Variants in DBH observed in about 807,000 individuals in gnomAD.
DBH encodes dopamine beta-hydroxylase (dopamine beta-monooxygenase).
A neutral mutation model predicts 64.0 loss-of-function variants in DBH; 49 were observed. That is an observed-to-expected ratio of 0.77 (90% CI 0.61 to 0.97). The LOEUF is 0.97. DBH is among the 50% of genes least tolerant of loss of function. The pLI is 0.00. For synonymous variants in DBH, 343 were observed against 347.1 expected (o/e 0.99, Z 0.13); for missense variants, 828 against 826.6 (o/e 1.00, Z -0.02).
intron 5 of DBH, among the ~76,000 whole-genome samples, chr9:133,644,811 T>C (rs1040960624): frequency 6.6e-6 from 1 of 152,136 alleles, no homozygotes; most frequent in African/African-American, 2.4e-5. Flanking sequence ...CACCCATACC[T>C]GAGGGTGGAG....
chr9:133,650,551 C>CTT (rs5901024), intron 6 of DBH, among the ~76,000 whole-genome samples: 49,099 of 112,084 alleles, frequency 0.44, 9,812 homozygotes, highest in East Asian at 0.72. Flanking sequence ...TCCTTCCTTT[C>CTT]TTTTTTTTTT....
chr9:133,656,506 TCTC>T lies in DBH; in HGVS notation c.1435-12_1435-10del. ...CGTGGCATGGCCCGGGGCTGACGGG[TCTC>T]CTCCAACTTGCAGGGGGGCTTCGGG... On this transcript the variant is annotated splice_polypyrimidine_tract_variant and intron_variant, in intron 9 of 11. Coordinates refer to ENST00000393056, the MANE Select transcript of DBH (RefSeq NM_000787.4). 1 of 1,613,186 alleles carries T rather than the reference TCTC, an allele frequency of 6.2e-7. No individual in the cohort carries two copies. Among genetic ancestry groups the T allele is most frequent in the Non-Finnish European group, 8.5e-7 (1 of 1,179,932 alleles).
At chr9:133,654,254 C>A (rs1319618103) in intron 9 of DBH, among the ~76,000 whole-genome samples, 1 of 152,206 alleles carries the variant, frequency 6.6e-6, no homozygotes, top group Admixed American at 6.5e-5. Context: ...CAGGCACCCA[C>A]CACCACGCCT....
At chr9:133,641,089 C>T (rs1249352090) in intron 2 of DBH, among the ~76,000 whole-genome samples, 1 of 152,256 alleles carries the variant, frequency 6.6e-6, no homozygotes, top group Non-Finnish European at 1.5e-5. Flanking sequence ...ATGATTCTCA[C>T]ACAAGCGTGA....
In DBH at chr9:133,657,118, G is replaced by T; in HGVS notation, c.1611G>T (p.Gln537His). Reference sequence around the variant, plus strand: ...CCTGCCCTCAGGCGTCCGTGTCTCAGCAGTTCACCTCTGTTCCCTGGAACT... The same window carrying T: ...CCTGCCCTCAGGCGTCCGTGTCTCATCAGTTCACCTCTGTTCCCTGGAACT... ...VCTCPQASVS[Q>H]QFTSVPWNSF... Residue 537 changes from glutamine to histidine, a missense_variant, in exon 11 of 12, where the codon CAG (glutamine) becomes CAT (histidine). Physicochemically the swap from Gln to His is conservative, Grantham distance 24 (BLOSUM62 0). Transcript: ENST00000393056. The T allele has an allele frequency of 6.2e-7, 1 of 1,614,056 alleles. No individual in the cohort carries two copies.
At chr9:133,640,141 GC>G in intron 2 of DBH, 149 bp downstream of exon 2, 2 of 1,084,956 alleles carry the variant, frequency 1.8e-6, no homozygotes, top group Non-Finnish European at 2.7e-6. Flanking sequence ...AAGGAGGATG[GC>G]CAGAGGCAGT....
rs1832144614 is a variant in DBH at position 133,643,681 on chromosome 9, T to G, written c.921+92T>G. On this transcript the variant is annotated intron_variant, in intron 4 of 11. Transcript: ENST00000393056. This position sits in a 1 kb window ranked among gnomAD's most constrained non-coding sequence, Gnocchi z 5.3. Reference sequence around the variant, plus strand: ...TCCCCAGCTTCACCGTCTCAGAGGCTTCAAGAAGGGGCTCCCAAGGGGGCT... The same window carrying G: ...TCCCCAGCTTCACCGTCTCAGAGGCGTCAAGAAGGGGCTCCCAAGGGGGCT... 4 of 1,474,176 alleles carry G rather than the reference T, an allele frequency of 2.7e-6. No homozygotes were observed. Among genetic ancestry groups the G allele is most frequent in the Non-Finnish European group, 3.7e-6 (4 of 1,077,104 alleles). The allele number at this position is 1,474,176 out of a possible 1,614,324, so 91.3% of individuals were successfully genotyped here.
intron 2 of DBH, among the ~76,000 whole-genome samples, chr9:133,640,360 C>T (rs1184312522): frequency 2.0e-5 from 3 of 152,152 alleles, no homozygotes; most frequent in Non-Finnish European, 4.4e-5. Context: ...CCCAGGCGAC[C>T]TGGCTTTCCA....
At position 133,636,443 on chromosome 9, in the gene DBH, A is replaced by C. The variant is rs756815809; in HGVS notation, c.72A>C (p.Thr24=). 1.2e-6 allele frequency: 2 copies of C among 1,612,748 alleles called. No homozygotes were observed. The highest frequency in any genetic ancestry group is 1.7e-6 in the Non-Finnish European group (2 of 1,179,792). ...GGGAGGCAGCCTTCATGTACAGCAC[A>C]GCAGTGGCCATCTTCCTGGTCATCC... ...SMREAAFMYS[T]AVAIFLVILV... Residue 24 remains threonine (T), a synonymous_variant, in exon 1 of 12, where the codon ACA becomes ACC. Transcript: ENST00000393056.
Position 133,642,245 on chromosome 9 carries a change from G to A in DBH, c.525G>A (p.Glu175=). The stretch of plus-strand genomic sequence containing the variant: ...ACTTGGTCTACGGGATCCTGGAGGA[G>A]CCGTTCCGGTCACTGGAGGCCATCA... The part of the protein sequence containing the change: ...TVHLVYGILE[E]PFRSLEAING... Residue 175 remains glutamate, a synonymous_variant, in exon 3 of 12, where the codon GAG becomes GAA. Coordinates refer to ENST00000393056, the MANE Select transcript of DBH (RefSeq NM_000787.4). The A allele has an allele frequency of 6.2e-7, 1 of 1,613,896 alleles. No homozygotes were observed. Among genetic ancestry groups the A allele is most frequent in the Non-Finnish European group, 8.5e-7 (1 of 1,180,010 alleles).
intron 5 of DBH, among the ~76,000 whole-genome samples, chr9:133,646,823 C>T (rs566715366): frequency 6.6e-6 from 1 of 152,204 alleles, no homozygotes; most frequent in African/African-American, 2.4e-5. Flanking sequence ...CCGTGCCCGG[C>T]CCCCTGGACC....
rs1473775303 is a variant in DBH at position 133,651,717 on chromosome 9, C to T, written c.1275C>T (p.Val425=). ...GGAGAAAGGTGGTCACAGTGCTGGTCCGGGACGGCCGGGAGTGGGAGATCG... is the reference window on the plus strand; with the variant it reads ...GGAGAAAGGTGGTCACAGTGCTGGTTCGGGACGGCCGGGAGTGGGAGATCG... ...LTGRKVVTVL[V]RDGREWEIVN... Residue 425 remains valine (V), a synonymous_variant, in exon 7 of 12, where the codon GTC becomes GTT. Coordinates refer to ENST00000393056, the MANE Select transcript of DBH (RefSeq NM_000787.4). 1 of 1,613,812 alleles carries T rather than the reference C, an allele frequency of 6.2e-7. No homozygotes were observed. The highest frequency in any genetic ancestry group is 2.2e-5 in the East Asian group (1 of 44,880).
intron 5 of DBH, 40 bp from the exon 6 acceptor site, chr9:133,647,806 C>T: frequency 6.2e-7 from 1 of 1,612,550 alleles, no homozygotes; most frequent in Non-Finnish European, 8.5e-7. Context: ...GAGAGGGCCT[C>T]CACTTACCGC....
intron 6 of DBH, among the ~76,000 whole-genome samples, chr9:133,650,415 A>C (rs1345672979): frequency 6.6e-6 from 1 of 151,486 alleles, no homozygotes; most frequent in Non-Finnish European, 1.5e-5. Context: ...ATTTCAGGAA[A>C]GACGTGTTCT....
rs751982769 is a variant in DBH, at chr9:133,651,789, C to T, written c.1335+12C>T. The T allele has an allele frequency of 1.3e-6, 2 of 1,556,494 alleles. No homozygotes were observed. The highest frequency in any genetic ancestry group is 2.4e-5 in the South Asian group (2 of 84,718). ...GCCCTCACTTCCAGGTAGGAACCTG[C>T]ACCCCACCCCTGCCCCGCCCCCACA... On this transcript the variant is annotated intron_variant, in intron 7 of 11. Transcript: ENST00000393056.
In DBH at chr9:133,652,944, A is replaced by T. The variant is rs1260480723; in HGVS notation, c.1379A>T (p.Asp460Val). The change falls in exon 9 of 12, where the codon GAT becomes GTT. Residue 460 changes from aspartate (D) to valine (V), a missense_variant. Asp to Val is a radical substitution (Grantham distance 152). Coordinates refer to ENST00000393056, the MANE Select transcript of DBH (RefSeq NM_000787.4). ...GTCACATTGGCTTTTCCTCAGGGAG[A>T]TGTGCTCATCACCTCCTGCACGTAC... ...LKKVVSVHPGDVLITSCTYNT... is the reference protein window; with the variant it reads ...LKKVVSVHPGVVLITSCTYNT... 10 of 1,613,134 alleles carry T rather than the reference A, an allele frequency of 6.2e-6. No homozygotes were observed. Among genetic ancestry groups the T allele is most frequent in the Non-Finnish European group, 8.5e-6 (10 of 1,179,646 alleles).
Position 133,643,462 on chromosome 9 carries a change from A to T in DBH, c.794A>T (p.Glu265Val). ...KGNEALVHHMEVFQCAPEMDS... is the reference protein window; with the variant it reads ...KGNEALVHHMVVFQCAPEMDS... ...AATGAGGCCCTTGTCCACCACATGG[A>T]AGTCTTCCAGTGCGCCCCCGAGATG... Residue 265 changes from glutamate (E) to valine (V), a missense_variant, in exon 4 of 12, where the codon GAA becomes GTA. Transcript: ENST00000393056. This position sits in a 1 kb window ranked among gnomAD's most constrained non-coding sequence, Gnocchi z 5.3. The T allele has an allele frequency of 6.2e-7, 1 of 1,611,846 alleles. No individual in the cohort carries two copies. Among genetic ancestry groups the T allele is most frequent in the Non-Finnish European group, 8.5e-7 (1 of 1,179,310 alleles).
At chr9:133,647,127 G>A (rs955777694) in intron 5 of DBH, among the ~76,000 whole-genome samples, 4 of 152,146 alleles carry the variant, frequency 2.6e-5, no homozygotes, top group African/African-American at 9.7e-5. Context: ...CCCTCCTCCT[G>A]GGGGGCCACA....
In DBH at chr9:133,642,274, G is replaced by T. The variant is rs368251114; in HGVS notation, c.554G>T (p.Gly185Val). The change falls in exon 3 of 12, where the codon GGC becomes GTC. Residue 185 changes from glycine (G) to valine (V), a missense_variant. Transcript: ENST00000393056. ...EPFRSLEAIN[G>V]SGLQMGLQRV... is the part of the protein sequence containing the mutation. ...TTCCGGTCACTGGAGGCCATCAACG[G>T]CTCGGGCCTGCAGATGGGGCTGCAG... 6.2e-7 allele frequency: 1 copy of T among 1,614,028 alleles called. No homozygotes were observed. Among genetic ancestry groups the T allele is most frequent in the Non-Finnish European group, 8.5e-7 (1 of 1,180,024 alleles).
Sources: gnomAD v4.1 joint callset for allele counts (sites outside exome capture counted in the v4.1 genomes callset) on GRCh38, gnomAD v4.1.1 for gene constraint, Gnocchi (gnomAD v3.1) non-coding constraint, MANE v1.5 for transcripts, NCBI Gene and HGNC (gene_info 2026-07-23, HGNC 2026-07-21) for gene names.